MVB12B: variants seen among roughly 807,000 people sequenced by gnomAD.
The protein encoded by MVB12B is multivesicular body subunit 12B, also known as ESCRT-I complex subunit MVB12B.
Under a neutral mutation model 41.6 loss-of-function variants are expected in MVB12B, and 16 were observed. The observed-to-expected ratio is 0.38, with a 90% confidence interval of 0.26 to 0.58. The LOEUF (loss-of-function observed/expected upper bound fraction) is 0.58. MVB12B is among the 20% of genes least tolerant of loss of function. MVB12B has a pLI of 0.62. For synonymous variants in MVB12B, 133 were observed against 139.7 expected, an observed-to-expected ratio of 0.95 and a Z score of 0.34; for missense variants, 274 against 380.2, an observed-to-expected ratio of 0.72 and a Z score of 2.32.
intron 6 of MVB12B, among the ~76,000 whole-genome samples, chr9:126,417,528 C>T (rs1001358965): frequency 6.6e-6 from 1 of 152,070 alleles, no homozygotes; most frequent in East Asian, 1.9e-4. Context: ...GGAAAATACA[C>T]ACAGGGAGAA....
intron 7 of MVB12B, among the ~76,000 whole-genome samples, chr9:126,476,048 G>A (rs974158922): frequency 4.6e-5 from 7 of 152,234 alleles, no homozygotes; most frequent in Admixed American, 4.6e-4. Context: ...TGCTGGTCCA[G>A]TCAGGAGCAC....
chr9:126,496,814 A>G (rs1052328859), intron 9 of MVB12B, among the ~76,000 whole-genome samples: 1 of 152,042 alleles, frequency 6.6e-6, no homozygotes, highest in Non-Finnish European at 1.5e-5. Flanking sequence ...GACACAGGCC[A>G]GATCCTGGGT....
In MVB12B at chr9:126,464,217, G is replaced by A. The variant is rs117863665; in HGVS notation, c.758-17152G>A. On this transcript the variant is annotated intron_variant, in intron 7 of 9. Transcript: ENST00000361171. ...TCCACTATGATGGGTGGTAGCTCAG[G>A]AGGCAGCCCAGGGGGTAACGTTTCT... Among the ~76,000 whole-genome samples, 549 of 152,328 alleles carry A rather than the reference G, an allele frequency of 3.6e-3. 8 individuals carry two copies. The East Asian group carries it at 0.045, about 12-fold the overall frequency.
chr9:126,354,569 G>C (rs1202701104), intron 2 of MVB12B, among the ~76,000 whole-genome samples: 1 of 152,222 alleles, frequency 6.6e-6, no homozygotes, highest in Non-Finnish European at 1.5e-5. Context: ...AGTGATCCAA[G>C]TTAACATTAC....
chr9:126,481,723 G>A (rs758486564), intron 8 of MVB12B, among the ~76,000 whole-genome samples: 1 of 152,236 alleles, frequency 6.6e-6, no homozygotes, highest in African/African-American at 2.4e-5. Context: ...AAAGTAGCAA[G>A]AGGCTGTCAG....
chr9:126,474,239 G>A (rs147009410), intron 7 of MVB12B, among the ~76,000 whole-genome samples: 32 of 152,306 alleles, frequency 2.1e-4, no homozygotes, highest in African/African-American at 7.2e-4. Flanking sequence ...ATGTCACCCT[G>A]CATGGGACTC....
intron 2 of MVB12B, among the ~76,000 whole-genome samples, chr9:126,375,618 G>T (rs1165777168): frequency 3.3e-5 from 5 of 151,964 alleles, no homozygotes; most frequent in Non-Finnish European, 5.9e-5. Context: ...GGAGTTTATG[G>T]TTTCCCCTTT....
At chr9:126,425,052 A>G (rs368790591) in intron 7 of MVB12B, among the ~76,000 whole-genome samples, 28 of 152,354 alleles carry the variant, frequency 1.8e-4, no homozygotes, top group African/African-American at 6.5e-4. Flanking sequence ...ATGTATGTGA[A>G]TATTGTTAAG....
intron 3 of MVB12B, among the ~76,000 whole-genome samples, chr9:126,383,637 A>G (rs992906423): frequency 2.0e-5 from 3 of 152,140 alleles, no homozygotes; most frequent in Admixed American, 1.3e-4. Flanking sequence ...CATTTGCTCA[A>G]CAAGGATTGG....
At chr9:126,455,887 CTTTTTTTTTTTTT>C (rs3983803) in intron 7 of MVB12B, among the ~76,000 whole-genome samples, 1 of 103,052 alleles carries the variant, frequency 9.7e-6, no homozygotes, top group Non-Finnish European at 1.8e-5. Flanking sequence ...TTCTTTCTTT[CTTTTTTTTTTTTT>C]TTTTTTTTGA....
intron 3 of MVB12B, among the ~76,000 whole-genome samples, chr9:126,384,021 C>T (rs1830703461): frequency 6.6e-6 from 1 of 151,758 alleles, no homozygotes; most frequent in Non-Finnish European, 1.5e-5. Context: ...GCCCATCCAT[C>T]TGCGGGGCAG....
At chr9:126,464,791 T>C (rs1833164846) in intron 7 of MVB12B, among the ~76,000 whole-genome samples, 1 of 152,238 alleles carries the variant, frequency 6.6e-6, no homozygotes, top group Non-Finnish European at 1.5e-5. Context: ...GATCACCGTG[T>C]CCACCCAGCT....
In MVB12B at chr9:126,468,989, A is replaced by G. The variant is rs1162284918; in HGVS notation, c.758-12380A>G. Reference sequence around the variant, plus strand: ...AAACAGTTACTTATGCTGTGATGCTATTTTTATTAAAAACACGAATACATA... The same window carrying G: ...AAACAGTTACTTATGCTGTGATGCTGTTTTTATTAAAAACACGAATACATA... On this transcript the variant is annotated intron_variant, in intron 7 of 9. Coordinates refer to ENST00000361171, the MANE Select transcript of MVB12B (RefSeq NM_033446.3). The surrounding 1 kb of genome is among the most constrained non-coding windows in gnomAD (Gnocchi z 4.3). 6.6e-6 allele frequency among the ~76,000 whole-genome samples: 1 copy of G among 152,230 alleles called. No homozygotes were observed. The highest frequency in any genetic ancestry group is 2.4e-5 in the African/African-American group (1 of 41,456).
At chr9:126,384,030 A>G (rs1830703903) in intron 3 of MVB12B, among the ~76,000 whole-genome samples, 1 of 151,912 alleles carries the variant, frequency 6.6e-6, no homozygotes, top group African/African-American at 2.4e-5. Context: ...TCTGCGGGGC[A>G]GGAAAACATG....
chr9:126,361,993 A>T (rs1830043157), intron 2 of MVB12B, among the ~76,000 whole-genome samples: 1 of 150,680 alleles, frequency 6.6e-6, no homozygotes, highest in Non-Finnish European at 1.5e-5. Context: ...TGTCATTCTT[A>T]CATTTGTTTC....
At chr9:126,448,938 T>C (rs912338968) in intron 7 of MVB12B, among the ~76,000 whole-genome samples, 2 of 152,204 alleles carry the variant, frequency 1.3e-5, no homozygotes, top group African/African-American at 4.8e-5. Flanking sequence ...AGTGCTTATT[T>C]GAAATCTTCC....
intron 6 of MVB12B, among the ~76,000 whole-genome samples, chr9:126,402,298 G>A (rs1345500017): frequency 2.6e-5 from 4 of 152,166 alleles, no homozygotes; most frequent in Non-Finnish European, 5.9e-5. Context: ...TGGTTTGGGG[G>A]CAGGTGAGCT....
chr9:126,372,735 T>TA (rs1447671319), intron 2 of MVB12B, among the ~76,000 whole-genome samples: 2 of 152,174 alleles, frequency 1.3e-5, no homozygotes, highest in African/African-American at 4.8e-5. Context: ...CCCTAGTATG[T>TA]AAATGGCAGA....
rs1462526680 is a variant in MVB12B, at chr9:126,503,196, C to T, written c.893C>T (p.Thr298Ile). Residue 298 changes from threonine (T) to isoleucine (I), a missense_variant, in exon 10 of 10, where the codon ACA (threonine) becomes ATA (isoleucine). By Grantham distance (89) the Thr-to-Ile change is moderately conservative. Transcript: ENST00000361171. ...IEKEYEYSFR[T>I]EQSAAARLPP... ...CTGCAGTACGAGTACAGCTTCCGCACAGAGCAGAGCGCAGCCGCCAGGCTC... is the reference window on the plus strand; with the variant it reads ...CTGCAGTACGAGTACAGCTTCCGCATAGAGCAGAGCGCAGCCGCCAGGCTC... 5 of 1,550,876 alleles carry T rather than the reference C, an allele frequency of 3.2e-6. No individual in the cohort carries two copies. Among genetic ancestry groups the T allele is most frequent in the East Asian group, 4.9e-5 (2 of 40,916 alleles).
Sources: allele counts gnomAD v4.1 joint callset (sites outside exome capture counted in the v4.1 genomes callset), GRCh38; gene constraint gnomAD v4.1.1; non-coding constraint Gnocchi (gnomAD v3.1); transcripts MANE v1.5; gene names NCBI Gene and HGNC (gene_info 2026-07-23, HGNC 2026-07-21).